The following ZNF512B variants were observed in gnomAD, a reference collection of about 807,000 sequenced individuals.
The protein encoded by ZNF512B is zinc finger protein 512B.
In ZNF512B, 22 loss-of-function variants were observed where a neutral mutation model predicts 87.8. The ratio of observed to expected loss-of-function variants is 0.25; its 90% CI spans 0.18 to 0.36. The LOEUF is 0.36. ZNF512B is among the 10% of genes least tolerant of loss of function. The pLI, the probability that ZNF512B is intolerant of heterozygous loss-of-function variation, is 1.00. For missense variants in ZNF512B, 1,060 were observed against 1,231.6 expected (o/e 0.86, Z 2.09); for synonymous variants, 524 against 490.9 (o/e 1.07, Z -0.89).
At chr20:63,962,057 G>C (rs376015275) in intron 14 of ZNF512B, 53 bp from the exon 15 acceptor site, 106 of 1,530,406 alleles carry the variant, frequency 6.9e-5, no homozygotes, top group Middle Eastern at 1.7e-4. Context: ...CCCACACCAA[G>C]ATATACCCCT....
At chr20:63,968,909 G>A (rs1270198470) in intron 1 of ZNF512B, among the ~76,000 whole-genome samples, 1 of 152,254 alleles carries the variant, frequency 6.6e-6, no homozygotes, top group Admixed American at 6.5e-5. Context: ...CCAGCCCTGT[G>A]GAAAAGCCAC....
chr20:63,962,349 G>A lies in ZNF512B; in HGVS notation c.2189C>T (p.Pro730Leu). The A allele has an allele frequency of 7.4e-6, 12 of 1,612,748 alleles. No homozygotes were observed. The highest frequency in any genetic ancestry group is 1.0e-5 in the Non-Finnish European group (12 of 1,179,864). ...ARLNYTRPGL[P>L]TLNPQLLEAW... ...CTCTAGCAGCTGGGGGTTCAGCGTG[G>A]GGAGCCCTGGTCGAGTGTAGTTGAG... Residue 730 changes from proline (P) to leucine (L), a missense_variant, in exon 14 of 17, where the codon CCC (proline) becomes CTC (leucine). Coordinates refer to ENST00000369888, the MANE Select transcript of ZNF512B (RefSeq NM_020713.3).
At chr20:63,960,194 C>T in intron 16 of ZNF512B, 55 bp from the exon 17 acceptor site, 3 of 1,599,268 alleles carry the variant, frequency 1.9e-6, no homozygotes, top group Non-Finnish European at 1.7e-6. Context: ...AGCACCTGAG[C>T]CAGGCATAGC....
chr20:63,962,508 G>C, intron 13 of ZNF512B, 79 bp downstream of exon 13: 4 of 1,554,426 alleles, frequency 2.6e-6, no homozygotes, highest in Non-Finnish European at 3.5e-6. Context: ...CACAGCAGTG[G>C]CTGTCCCAAG....
Position 63,961,522 on chromosome 20 carries a change from G to C in ZNF512B, c.2329-115C>G. 1.0e-6 allele frequency: 1 copy of C among 995,536 alleles called. No individual in the cohort carries two copies. Among genetic ancestry groups the C allele is most frequent in the Admixed American group, 2.0e-5 (1 of 50,842 alleles). The allele number at this position is 995,536 out of a possible 1,614,324, so 61.7% of individuals were successfully genotyped here. A position where few individuals can be genotyped will look rare whatever the true frequency, so the allele number is the denominator to read the frequency against. ...CGGTGGCCCAAGGAAAGCTGTGGCT[G>C]TCTGTGCCAGACAATGCAGGGGGCC... is the stretch of plus-strand genomic sequence containing the variant. On this transcript the variant is annotated intron_variant, in intron 15 of 16. Transcript: ENST00000369888. This position sits in a 1 kb window ranked among gnomAD's most constrained non-coding sequence, Gnocchi z 6.4.
At position 63,966,629 on chromosome 20, in the gene ZNF512B, G is replaced by A; in HGVS notation, c.546C>T (p.Ile182=). The A allele has an allele frequency of 6.2e-7, 1 of 1,613,446 alleles. No homozygotes were observed. Among genetic ancestry groups the A allele is most frequent in the Non-Finnish European group, 8.5e-7 (1 of 1,179,948 alleles). The change falls in exon 5 of 17, where the codon ATC becomes ATT. Residue 182 remains isoleucine (I), a synonymous_variant. Coordinates refer to ENST00000369888, the MANE Select transcript of ZNF512B (RefSeq NM_020713.3). ...GCTTGCTGACCCCAACAGGCCGGCTGATGGTGACCGGCCTGCTGATGGGCC... is the reference window on the plus strand; with the variant it reads ...GCTTGCTGACCCCAACAGGCCGGCTAATGGTGACCGGCCTGCTGATGGGCC... ...KPGPISRPVT[I]SRPVGVSKPI... is the part of the protein sequence containing the mutation.
intron 1 of ZNF512B, among the ~76,000 whole-genome samples, chr20:63,968,651 T>C (rs1451146710): frequency 6.6e-6 from 1 of 152,342 alleles, no homozygotes; most frequent in East Asian, 1.9e-4. Context: ...TCCTACCTGA[T>C]GCTCTTCGCA....
chr20:63,960,970 T>TGCA (rs541183962), intron 16 of ZNF512B, among the ~76,000 whole-genome samples: 1,955 of 129,474 alleles, frequency 0.015, 34 homozygotes, highest in Middle Eastern at 0.037. Context: ...GGCAAGCACC[T>TGCA]GCAGGGGGCT....
At chr20:63,968,631 G>A (rs1212207675) in intron 1 of ZNF512B, among the ~76,000 whole-genome samples, 4 of 152,180 alleles carry the variant, frequency 2.6e-5, no homozygotes, top group Non-Finnish European at 2.9e-5. Flanking sequence ...TCCCTGTGCC[G>A]GCTGAACTAT....
At chr20:63,962,539 C>T in intron 13 of ZNF512B, 48 bp downstream of exon 13, 2 of 1,574,994 alleles carry the variant, frequency 1.3e-6, no homozygotes, top group Non-Finnish European at 1.7e-6. Context: ...AGGCATGCCC[C>T]ACGCAGAGGC....
rs1245636360 is a variant in ZNF512B, at chr20:63,964,608, A to C, written c.1143T>G (p.Ser381Arg). 1 of 1,613,044 alleles carries C rather than the reference A, an allele frequency of 6.2e-7. No homozygotes were observed. The change falls in exon 6 of 17, where the codon AGT (serine) becomes AGG (arginine). Residue 381 changes from serine (S) to arginine (R), a missense_variant. By Grantham distance (110) the Ser-to-Arg change is moderately radical. Coordinates refer to ENST00000369888, the MANE Select transcript of ZNF512B (RefSeq NM_020713.3). Reference protein sequence around the residue: ...SMGQSSAFQLSADTSSGSLSP... With the variant: ...SMGQSSAFQLRADTSSGSLSP... ...ACAAGGAGCCACTGCTGGTGTCTGC[A>C]CTCAGCTGGAAGGCCGAGCTCTGGC... is the stretch of plus-strand genomic sequence containing the variant.
At position 63,963,383 on chromosome 20, in the gene ZNF512B, T is replaced by C. The variant is rs774245145; in HGVS notation, c.1756A>G (p.Lys586Glu). Reference sequence around the variant, plus strand: ...AGCCGTCCCATCTGCTTCAGCACCTTGCGCAGCCTCTCGCGCTCCTCCTGC... The same window carrying C: ...AGCCGTCCCATCTGCTTCAGCACCTCGCGCAGCCTCTCGCGCTCCTCCTGC... Reference protein sequence around the residue: ...GEQEERERLRKVLKQMGRLRC... With the variant: ...GEQEERERLREVLKQMGRLRC... The change falls in exon 11 of 17, where the codon AAG (lysine) becomes GAG (glutamate). Residue 586 changes from lysine (K) to glutamate (E), a missense_variant. Lys to Glu is a moderately conservative substitution (Grantham distance 56, BLOSUM62 1). Around this residue, in one of 9 missense-constraint regions of ZNF512B, gnomAD observed 165 missense variants for 173.0 expected, o/e 0.95. Transcript: ENST00000369888. 6.5e-7 allele frequency: 1 copy of C among 1,549,158 alleles called. No individual in the cohort carries two copies. Among genetic ancestry groups the C allele is most frequent in the Non-Finnish European group, 8.7e-7 (1 of 1,152,436 alleles).
Position 63,956,917 on chromosome 20 carries a change from G to C in ZNF512B, c.*2971C>G, listed in dbSNP as rs901106986. ...TATATGTATATATATATGGTTACAA[G>C]TGATAGCTGGAACCTCTTTCAAAAT... On this transcript the variant is annotated 3_prime_UTR_variant, in exon 17 of 17. Transcript: ENST00000369888. 6.6e-6 allele frequency: 1 copy of C among 152,546 alleles called. No individual in the cohort carries two copies. The highest frequency in any genetic ancestry group is 1.5e-5 in the Non-Finnish European group (1 of 68,048). The allele number at this position is 152,546 out of a possible 1,614,324, so 9.4% of individuals were successfully genotyped here. A position where few individuals can be genotyped will look rare whatever the true frequency, so the allele number is the denominator to read the frequency against.
Position 63,967,922 on chromosome 20 carries a change from C to A in ZNF512B, c.29G>T (p.Arg10Leu), listed in dbSNP as rs778588363. The change falls in exon 2 of 17, where the codon CGT becomes CTT. Residue 10 changes from arginine to leucine, a missense_variant. Around this residue, in one of 9 missense-constraint regions of ZNF512B, gnomAD observed 134 missense variants for 153.6 expected, o/e 0.87. Coordinates refer to ENST00000369888, the MANE Select transcript of ZNF512B (RefSeq NM_020713.3). MTDPFCVGGRRLPGSSKSGP... is the reference protein window; with the variant it reads MTDPFCVGGLRLPGSSKSGP... ...ACTCTTGCTGGACCCCGGGAGCCGA[C>A]GGCCTCCAACGCAGAAAGGATCCGT... 2.5e-5 allele frequency: 40 copies of A among 1,612,102 alleles called. No individual in the cohort carries two copies. The highest frequency in any genetic ancestry group is 3.1e-5 in the Non-Finnish European group (36 of 1,179,250).
Position 63,964,697 on chromosome 20 carries a change from T to C in ZNF512B, c.1054A>G (p.Thr352Ala), listed in dbSNP as rs953772382. 1.2e-6 allele frequency: 2 copies of C among 1,611,234 alleles called. No homozygotes were observed. Among genetic ancestry groups the C allele is most frequent in the Non-Finnish European group, 1.7e-6 (2 of 1,179,910 alleles). The stretch of plus-strand genomic sequence containing the variant: ...GCCTGCTTGGGTGGAATTGGGCAGG[T>C]GTCCAGGCTGTCCGCAGCCCTGCAG... Reference protein sequence around the residue: ...GKKRAADSLDTCPIPPKQARP... With the variant: ...GKKRAADSLDACPIPPKQARP... Residue 352 changes from threonine (T) to alanine (A), a missense_variant, in exon 6 of 17, where the codon ACC (threonine) becomes GCC (alanine). This residue lies in a region of ZNF512B where 212 missense variants were observed against 207.6 expected (regional missense o/e 1.02). Coordinates refer to ENST00000369888, the MANE Select transcript of ZNF512B (RefSeq NM_020713.3).
intron 16 of ZNF512B, among the ~76,000 whole-genome samples, chr20:63,960,886 G>A (rs1237445083): frequency 1.4e-5 from 2 of 147,044 alleles, no homozygotes; most frequent in Admixed American, 6.8e-5. Context: ...AGCACCTGCA[G>A]CAGGGGGCTG....
rs1366338999 is a variant in ZNF512B at position 63,961,949 on chromosome 20, C to T, written c.2321G>A (p.Cys774Tyr). Residue 774 changes from cysteine (C) to tyrosine (Y), a missense_variant, in exon 15 of 17, where the codon TGC becomes TAC. Physicochemically the swap from Cys to Tyr is radical, Grantham distance 194 (BLOSUM62 -2). Transcript: ENST00000369888. This position sits in a 1 kb window ranked among gnomAD's most constrained non-coding sequence, Gnocchi z 6.4. The stretch of plus-strand genomic sequence containing the variant: ...GCAGGCCCCAGAACTGACCTTACTG[C>T]AGCTGGCGAGATGAGCCTTGAGTCC... ...VSGLKAHLAS[C>Y]SKGAHLAGKY... The T allele has an allele frequency of 6.4e-7, 1 of 1,551,064 alleles. No individual in the cohort carries two copies. Among genetic ancestry groups the T allele is most frequent in the Non-Finnish European group, 8.7e-7 (1 of 1,146,914 alleles).
chr20:63,963,704 C>T lies in ZNF512B; in HGVS notation c.1612G>A (p.Asp538Asn). The T allele has an allele frequency of 6.2e-7, 1 of 1,613,388 alleles. No homozygotes were observed. Among genetic ancestry groups the T allele is most frequent in the South Asian group, 1.1e-5 (1 of 91,088 alleles). ...KHMEVCQKLQ[D>N]ALKCQHCRKQ... ...CGGCAGTGCTGGCACTTGAGTGCAT[C>T]CTGAAGCTGCAGATGGCCCACATGT... Residue 538 changes from aspartate (D) to asparagine (N), a missense_variant, in exon 10 of 17, where the codon GAT (aspartate) becomes AAT (asparagine). Asp to Asn is a conservative substitution (Grantham distance 23). Coordinates refer to ENST00000369888, the MANE Select transcript of ZNF512B (RefSeq NM_020713.3).
At position 63,963,842 on chromosome 20, in the gene ZNF512B, C is replaced by T. The variant is rs868271669; in HGVS notation, c.1552G>A (p.Val518Ile). The stretch of plus-strand genomic sequence containing the variant: ...AGCCCCACGAGAGTCTTCCGGGTGA[C>T]CACGTTGCAGGTGGGGCAGACGGCT... ...GEAVCPTCNVVTRKTLVGLKK... is the reference protein window; with the variant it reads ...GEAVCPTCNVITRKTLVGLKK... The change falls in exon 9 of 17, where the codon GTC becomes ATC. Residue 518 changes from valine (V) to isoleucine (I), a missense_variant. Val to Ile is a conservative substitution (Grantham distance 29). Around this residue, in one of 9 missense-constraint regions of ZNF512B, gnomAD observed 37 missense variants for 72.6 expected, o/e 0.51. Coordinates refer to ENST00000369888, the MANE Select transcript of ZNF512B (RefSeq NM_020713.3). The T allele has an allele frequency of 2.5e-6, 4 of 1,612,766 alleles. No homozygotes were observed. The highest frequency in any genetic ancestry group is 1.6e-4 in the Middle Eastern group (1 of 6,082).
Sources: gnomAD v4.1 joint callset for allele counts (sites outside exome capture counted in the v4.1 genomes callset) on GRCh38, gnomAD v4.1.1 for gene constraint, gnomAD v4.1.1 regional missense constraint, Gnocchi (gnomAD v3.1) non-coding constraint, MANE v1.5 for transcripts, NCBI Gene and HGNC (gene_info 2026-07-23, HGNC 2026-07-21) for gene names.